HERC5: variants seen among roughly 807,000 people sequenced by gnomAD.
HERC5 encodes the protein HECT and RLD domain containing E3 ubiquitin protein ligase 5, also known as E3 ISG15--protein ligase HERC5.
A neutral mutation model predicts 119.6 loss-of-function variants in HERC5; 99 were observed. That is an observed-to-expected ratio of 0.83 (90% CI 0.70 to 0.98). HERC5 has a LOEUF of 0.98. Ranked by LOEUF, HERC5 falls within the 50% of genes least tolerant of loss-of-function variation. The pLI, the probability that HERC5 is intolerant of heterozygous loss-of-function variation, is 0.00. For missense variants in HERC5, 1,267 were observed against 1,241.3 expected (o/e 1.02, Z -0.31); for synonymous variants, 478 against 445.9 (o/e 1.07, Z -0.91).
chr4:88,494,930 T>G (rs1318568375), intron 18 of HERC5, among the ~76,000 whole-genome samples: 1 of 152,230 alleles, frequency 6.6e-6, no homozygotes, highest in Non-Finnish European at 1.5e-5. Context: ...GAAGTGTTGA[T>G]GCTATATAGT....
At position 88,487,089 on chromosome 4, in the gene HERC5, A is replaced by G. The variant is rs1741488873; in HGVS notation, c.1872A>G (p.Gln624=). The change falls in exon 15 of 23, where the codon CAA becomes CAG. Residue 624 remains glutamine (Q), a synonymous_variant. Transcript: ENST00000264350. The part of the protein sequence containing the change: ...KMTVDASENV[Q]CCVIFSHFPF... ...TTTAGGACGCTTCAGAAAATGTACA[A>G]TGCTGCGTCATATTCAGTCACTTTC... The G allele has an allele frequency of 1.2e-6, 2 of 1,610,868 alleles. No homozygotes were observed. Among genetic ancestry groups the G allele is most frequent in the East Asian group, 2.2e-5 (1 of 44,858 alleles).
rs146953973 is a variant in HERC5 at position 88,468,435 on chromosome 4, C to A, written c.1134+13C>A. 7 of 1,568,902 alleles carry A rather than the reference C, an allele frequency of 4.5e-6. No individual in the cohort carries two copies. The highest frequency in any genetic ancestry group is 2.3e-5 in the South Asian group (2 of 88,614). On this transcript the variant is annotated intron_variant, in intron 8 of 22. Coordinates refer to ENST00000264350, the MANE Select transcript of HERC5 (RefSeq NM_016323.4). ...GATAAAGAAAGAGGTAAAAATAGAT[C>A]TCCAGGTGTTCTATAACCTGGTATT... is the stretch of plus-strand genomic sequence containing the variant.
Position 88,476,041 on chromosome 4 carries a change from T to C in HERC5, c.1582+11T>C, listed in dbSNP as rs1228877089. 6.2e-7 allele frequency: 1 copy of C among 1,605,822 alleles called. No individual in the cohort carries two copies. Among genetic ancestry groups the C allele is most frequent in the East Asian group, 2.2e-5 (1 of 44,772 alleles). On this transcript the variant is annotated intron_variant, in intron 12 of 22. Transcript: ENST00000264350. ...CTTCACTGGTTCTGGGTAAGTTTGA[T>C]CATTTGAAGATACTTTACCTGTCTT...
chr4:88,468,504 C>A (rs746050963), intron 8 of HERC5, 82 bp downstream of exon 8: 3 of 887,882 alleles, frequency 3.4e-6, no homozygotes, highest in Non-Finnish European at 5.3e-6. Context: ...TGGTGAATTC[C>A]AAAATCATCA....
Position 88,457,465 on chromosome 4 carries a change from T to C in HERC5, c.196T>C (p.Leu66=). ...CTGCTCGCCGGGGCGCCTCGCGGTC[T>C]TGGAACGCGGCGGGGCGGGCGTCCA... ...LCCSPGRLAV[L]ERGGAGVQVH... The change falls in exon 1 of 23, where the codon TTG becomes CTG. Residue 66 remains leucine, a synonymous_variant. Coordinates refer to ENST00000264350, the MANE Select transcript of HERC5 (RefSeq NM_016323.4). The C allele has an allele frequency of 7.5e-7, 1 of 1,333,630 alleles. No individual in the cohort carries two copies. Among genetic ancestry groups the C allele is most frequent in the East Asian group, 2.9e-5 (1 of 34,850 alleles). The allele number at this position is 1,333,630 out of a possible 1,614,324, so 82.6% of individuals were successfully genotyped here.
Position 88,499,983 on chromosome 4 carries a change from C to T in HERC5, c.2502C>T (p.Ile834=), listed in dbSNP as rs1741901873. 6.3e-7 allele frequency: 1 copy of T among 1,593,694 alleles called. No homozygotes were observed. Residue 834 remains isoleucine, a synonymous_variant, in exon 19 of 23, where the codon ATC becomes ATT. Coordinates refer to ENST00000264350, the MANE Select transcript of HERC5 (RefSeq NM_016323.4). ...ATAACTTTGAGGAAGTATTTTACAT[C>T]CATTTTAATGTGAGTAACAATAAAA... ...EGDNFEEVFY[I]HFNVHWDRND...
At chr4:88,461,331 A>G (rs1740436925) in intron 3 of HERC5, among the ~76,000 whole-genome samples, 1 of 152,238 alleles carries the variant, frequency 6.6e-6, no homozygotes, top group African/African-American at 2.4e-5. Context: ...AGAGGCGTGT[A>G]TGTACAAGGG....
intron 9 of HERC5, among the ~76,000 whole-genome samples, chr4:88,469,967 GA>G (rs904232824): frequency 4.6e-5 from 7 of 152,112 alleles, no homozygotes; most frequent in African/African-American, 1.7e-4. Flanking sequence ...TTTGATCCTG[GA>G]ACCATTAGTT....
chr4:88,494,893 A>G (rs566761633), intron 18 of HERC5, among the ~76,000 whole-genome samples: 6 of 152,338 alleles, frequency 3.9e-5, no homozygotes, highest in Non-Finnish European at 8.8e-5. Flanking sequence ...TGAGAGGCTA[A>G]TTTATACTTC....
chr4:88,461,272 A>T (rs1740433657), intron 3 of HERC5, among the ~76,000 whole-genome samples: 4 of 152,164 alleles, frequency 2.6e-5, no homozygotes, highest in African/African-American at 9.7e-5. Flanking sequence ...CTGTGTTCGG[A>T]TTATGAAGAT....
At chr4:88,471,899 A>C (rs1740881001) in intron 10 of HERC5, among the ~76,000 whole-genome samples, 1 of 150,938 alleles carries the variant, frequency 6.6e-6, no homozygotes, top group Non-Finnish European at 1.5e-5. Flanking sequence ...CCTTCCTTCG[A>C]AAAACCTTTA....
chr4:88,505,692 C>G lies in HERC5; in HGVS notation c.2889C>G (p.Asp963Glu). The G allele has an allele frequency of 1.3e-6, 2 of 1,573,404 alleles. No homozygotes were observed. The highest frequency in any genetic ancestry group is 1.7e-6 in the Non-Finnish European group (2 of 1,146,470). ...TTTTAGTATTTCTTACAGGAACTGA[C>G]AGACTACAAATGAAAGATTTAAATA... is the stretch of plus-strand genomic sequence containing the variant. Reference protein sequence around the residue: ...KKFLVFLTGTDRLQMKDLNNM... With the variant: ...KKFLVFLTGTERLQMKDLNNM... Residue 963 changes from aspartate (D) to glutamate (E), a missense_variant, in exon 23 of 23, where the codon GAC (aspartate) becomes GAG (glutamate). By Grantham distance (45) the Asp-to-Glu change is conservative. Coordinates refer to ENST00000264350, the MANE Select transcript of HERC5 (RefSeq NM_016323.4).
At chr4:88,496,963 C>T (rs1480412339) in intron 18 of HERC5, among the ~76,000 whole-genome samples, 1 of 152,096 alleles carries the variant, frequency 6.6e-6, no homozygotes, top group Non-Finnish European at 1.5e-5. Flanking sequence ...CCTGTTCGCC[C>T]CTTCCACCAT....
At chr4:88,486,336 C>T (rs535727122) in intron 14 of HERC5, 108 bp downstream of exon 14, 2 of 614,910 alleles carry the variant, frequency 3.3e-6, no homozygotes, top group Non-Finnish European at 5.7e-6. Context: ...TTGTGGGAAA[C>T]ATTAAGACTC....
At chr4:88,478,835 C>G (rs947319384) in intron 12 of HERC5, among the ~76,000 whole-genome samples, 1 of 152,170 alleles carries the variant, frequency 6.6e-6, no homozygotes, top group East Asian at 1.9e-4. Context: ...TGGCCTGGAA[C>G]TGCTGAGCTC....
rs149381951 is a variant in HERC5 at position 88,487,906 on chromosome 4, C to A, written c.1962+727C>A. ...ATTTAAAACTGCCTCACACAAAGCA[C>A]CCAAAGGGTTGGGTATTATTATCAC... On this transcript the variant is annotated intron_variant, in intron 15 of 22. Transcript: ENST00000264350. Among the ~76,000 whole-genome samples the A allele has an allele frequency of 1.1e-4, 17 of 152,230 alleles. No individual in the cohort carries two copies. In the East Asian group the frequency reaches 3.3e-3, roughly 29 times the overall value.
intron 7 of HERC5, 147 bp downstream of exon 7, chr4:88,467,351 T>G: frequency 1.4e-6 from 1 of 737,610 alleles, no homozygotes; most frequent in Non-Finnish European, 2.2e-6. Flanking sequence ...GGTAAACAAT[T>G]CAAGAGTCAG....
intron 18 of HERC5, among the ~76,000 whole-genome samples, chr4:88,498,499 C>T (rs1741862094): frequency 6.6e-6 from 1 of 152,122 alleles, no homozygotes; most frequent in African/African-American, 2.4e-5. Flanking sequence ...GACCTATTAC[C>T]CCTTTCTTAT....
intron 19 of HERC5, 147 bp from the exon 20 acceptor site, chr4:88,500,768 T>TG: frequency 1.6e-6 from 1 of 632,526 alleles, no homozygotes; most frequent in South Asian, 2.1e-5. Context: ...TGTAATTTTT[T>TG]GTTTGTACAT....
Sources: gnomAD v4.1 joint callset for allele counts (sites outside exome capture counted in the v4.1 genomes callset) on GRCh38, gnomAD v4.1.1 for gene constraint, MANE v1.5 for transcripts, NCBI Gene and HGNC (gene_info 2026-07-23, HGNC 2026-07-21) for gene names.